The following FGR variants were observed in gnomAD, a reference collection of about 807,000 sequenced individuals.
FGR encodes tyrosine-protein kinase Fgr.
In FGR, 26 loss-of-function variants were observed where a neutral mutation model predicts 63.2. The observed-to-expected ratio is 0.41, with a 90% CI of 0.30 to 0.57. The LOEUF is 0.57. Among genes scored for constraint, FGR ranks in the 20% least tolerant of loss-of-function variants. The pLI, the probability that FGR is intolerant of heterozygous loss-of-function variation, is 0.27. For synonymous variants in FGR, 286 were observed against 277.7 expected (o/e 1.03, Z -0.30); for missense variants, 511 against 690.8 (o/e 0.74, Z 2.92).
intron 10 of FGR, 109 bp from the exon 11 acceptor site, chr1:27,614,692 C>T (rs1268661385): frequency 6.4e-6 from 9 of 1,412,626 alleles, no homozygotes; most frequent in Non-Finnish European, 8.8e-6. Context: ...GAGGGGGAGA[C>T]TGAGGCCCAG....
rs150350844 is a variant in FGR, at chr1:27,616,939, G to A, written c.600C>T (p.Ile200=). 2 of 1,614,084 alleles carry A rather than the reference G, an allele frequency of 1.2e-6. No individual in the cohort carries two copies. The highest frequency in any genetic ancestry group is 1.7e-6 in the Non-Finnish European group (2 of 1,180,048). ...AGTAGCCGCCCATGTCCAGTTTGCG[G>A]ATCTTGTAATGCTTCACATGATCGC... ...TRGDHVKHYK[I]RKLDMGGYYI... Residue 200 remains isoleucine (I), a synonymous_variant, in exon 7 of 13, where the codon ATC becomes ATT. Coordinates refer to ENST00000374005, the MANE Select transcript of FGR (RefSeq NM_005248.3). This position sits in a 1 kb window ranked among gnomAD's most constrained non-coding sequence, Gnocchi z 4.3.
At chr1:27,614,764 C>A (rs1295380393) in intron 10 of FGR, 86 bp downstream of exon 10, 3 of 1,412,006 alleles carry the variant, frequency 2.1e-6, no homozygotes, top group Admixed American at 4.0e-5. Flanking sequence ...GGCGGGGCCG[C>A]CCTCCCAGGC....
rs150764847 is a variant in FGR at position 27,631,193 on chromosome 1, C to G, written c.-77+3872G>C. On this transcript the variant is annotated intron_variant, in intron 1 of 12. Coordinates refer to ENST00000374005, the MANE Select transcript of FGR (RefSeq NM_005248.3). ...AAGTCCAGAGTTCTGTTCCCTCCCCCACTGCTGTGTTCTCCAAAGCCTGAG... is the reference window on the plus strand; with the variant it reads ...AAGTCCAGAGTTCTGTTCCCTCCCCGACTGCTGTGTTCTCCAAAGCCTGAG... 3.7e-4 allele frequency among the ~76,000 whole-genome samples: 56 copies of G among 152,308 alleles called. 1 individual carries two copies. The highest frequency in any genetic ancestry group is 1.5e-3 in the East Asian group (8 of 5,186).
chr1:27,622,903 T>A, intron 4 of FGR, 139 bp downstream of exon 4: 2 of 641,486 alleles, frequency 3.1e-6, no homozygotes, highest in Non-Finnish European at 5.7e-6. Flanking sequence ...ACAGTTGCAG[T>A]CACCCAGGGT....
At chr1:27,630,674 T>G (rs2090093733) in intron 1 of FGR, among the ~76,000 whole-genome samples, 1 of 152,108 alleles carries the variant, frequency 6.6e-6, no homozygotes, top group East Asian at 1.9e-4. Context: ...AGCACTGAAC[T>G]TCGCTGCCTG....
chr1:27,631,279 T>C (rs1368435000), intron 1 of FGR, among the ~76,000 whole-genome samples: 2 of 152,194 alleles, frequency 1.3e-5, no homozygotes, highest in African/African-American at 4.8e-5. Flanking sequence ...ACACCACCCC[T>C]GTCATATGGC....
intron 2 of FGR, among the ~76,000 whole-genome samples, chr1:27,624,513 G>A (rs751312966): frequency 3.3e-5 from 5 of 152,136 alleles, no homozygotes; most frequent in African/African-American, 7.2e-5. Context: ...GTACATGTGC[G>A]TCTTTGTGTG....
chr1:27,616,361 G>A lies in FGR; in HGVS notation c.682+496C>T, dbSNP rs1286302584. The stretch of plus-strand genomic sequence containing the variant: ...GCTTCATCTTTACTCCACTGCCACC[G>A]ATTTAGTCTGGCCTCCACCACCTCT... On this transcript the variant is annotated intron_variant, in intron 7 of 12. Transcript: ENST00000374005. This position sits in a 1 kb window ranked among gnomAD's most constrained non-coding sequence, Gnocchi z 4.3. Among the ~76,000 whole-genome samples the A allele has an allele frequency of 6.6e-6, 1 of 152,182 alleles. No homozygotes were observed. Among genetic ancestry groups the A allele is most frequent in the Non-Finnish European group, 1.5e-5 (1 of 68,030 alleles).
chr1:27,632,596 C>T (rs571430607), intron 1 of FGR, among the ~76,000 whole-genome samples: 23 of 152,262 alleles, frequency 1.5e-4, no homozygotes, highest in African/African-American at 4.6e-4. Context: ...CATGTGGTCC[C>T]GAGGCCATTA....
At chr1:27,618,207 G>A (rs2148525771) in intron 5 of FGR, among the ~76,000 whole-genome samples, 1 of 152,216 alleles carries the variant, frequency 6.6e-6, no homozygotes, top group East Asian at 1.9e-4. Context: ...GGGGGACGGA[G>A]GAAGTGTTGA....
chr1:27,626,987 G>A (rs2090031464), intron 1 of FGR, among the ~76,000 whole-genome samples: 1 of 151,170 alleles, frequency 6.6e-6, no homozygotes, highest in Non-Finnish European at 1.5e-5. Flanking sequence ...AGCAACATAG[G>A]GACACCCCGT....
intron 4 of FGR, 62 bp from the exon 5 acceptor site, chr1:27,621,719 AG>A: frequency 8.4e-7 from 1 of 1,192,810 alleles, no homozygotes; most frequent in East Asian, 2.3e-5. Context: ...CCCTGAGGCC[AG>A]GTGGAGCCAC....
chr1:27,631,360 C>A (rs2090101930), intron 1 of FGR, among the ~76,000 whole-genome samples: 1 of 152,190 alleles, frequency 6.6e-6, no homozygotes, highest in Non-Finnish European at 1.5e-5. Flanking sequence ...AACCCCAGGT[C>A]CACCCATCCT....
At chr1:27,634,666 T>C (rs2090153587) in intron 1 of FGR, among the ~76,000 whole-genome samples, 1 of 151,040 alleles carries the variant, frequency 6.6e-6, no homozygotes. Flanking sequence ...ACCCGTCGGC[T>C]TCTCCCCAAA....
chr1:27,621,054 G>C (rs57070979), intron 5 of FGR, among the ~76,000 whole-genome samples: 12,874 of 88,606 alleles, frequency 0.15, 1,515 homozygotes, highest in African/African-American at 0.38. Context: ...AAAACAAAAA[G>C]AAAAAGAAAA....
In FGR at chr1:27,621,668, A is replaced by C; in HGVS notation, c.330-11T>G. Reference sequence around the variant, plus strand: ...CACCAGTCACCTTCACTGTAGGCACAGAACAGGGCATGGTCAGCAGCACCT... The same window carrying C: ...CACCAGTCACCTTCACTGTAGGCACCGAACAGGGCATGGTCAGCAGCACCT... On this transcript the variant is annotated splice_polypyrimidine_tract_variant and intron_variant, in intron 4 of 12. Coordinates refer to ENST00000374005, the MANE Select transcript of FGR (RefSeq NM_005248.3). 6.2e-7 allele frequency: 1 copy of C among 1,607,316 alleles called. No individual in the cohort carries two copies.
rs2089762058 is a variant in FGR, at chr1:27,614,510, A to G, written c.1169T>C (p.Val390Ala). 1.2e-6 allele frequency: 2 copies of G among 1,613,888 alleles called. No homozygotes were observed. The highest frequency in any genetic ancestry group is 1.7e-5 in the Admixed American group (1 of 59,982). ...GATCTTGCACGCCAGCCGCTCCCCA[A>G]CCAGGATGTTGGCTGCCCTCAGGTC... ...HRDLRAANIL[V>A]GERLACKIAD... is the part of the protein sequence containing the mutation. The change falls in exon 11 of 13, where the codon GTT (valine) becomes GCT (alanine). Residue 390 changes from valine to alanine, a missense_variant. Val to Ala is a moderately conservative substitution (Grantham distance 64, BLOSUM62 0). Transcript: ENST00000374005.
At chr1:27,629,303 C>T (rs997177846) in intron 1 of FGR, among the ~76,000 whole-genome samples, 9 of 152,142 alleles carry the variant, frequency 5.9e-5, no homozygotes, top group Non-Finnish European at 7.4e-5. Flanking sequence ...TTTAAAGCTA[C>T]CAAAGTGACT....
At chr1:27,624,738 T>A (rs138033031) in intron 2 of FGR, among the ~76,000 whole-genome samples, 6 of 152,258 alleles carry the variant, frequency 3.9e-5, no homozygotes, top group Non-Finnish European at 8.8e-5. Flanking sequence ...AGTGGGTGTC[T>A]CTGTGTCTGT....
Sources: gnomAD v4.1 joint callset for allele counts (sites outside exome capture counted in the v4.1 genomes callset) on GRCh38, gnomAD v4.1.1 for gene constraint, Gnocchi (gnomAD v3.1) non-coding constraint, MANE v1.5 for transcripts, NCBI Gene and HGNC (gene_info 2026-07-23, HGNC 2026-07-21) for gene names.